The following CABLES1 variants were observed in gnomAD, a reference collection of about 807,000 sequenced individuals.
CABLES1 encodes the protein Cdk5 and Abl enzyme substrate 1.
CABLES1 carries 36 observed loss-of-function variants against 57.8 expected under a neutral mutation model. That is an observed-to-expected ratio of 0.62 (90% CI 0.48 to 0.82). CABLES1 has a LOEUF of 0.82. Among genes scored for constraint, CABLES1 ranks in the 40% least tolerant of loss-of-function variants. The probability of loss-of-function intolerance (pLI) is 0.00; values close to 1 mark genes in which losing one functional copy is unlikely to be tolerated. For missense variants in CABLES1, 767 were observed against 836.6 expected (o/e 0.92, Z 1.03); for synonymous variants, 374 against 363.0 (o/e 1.03, Z -0.35).
chr18:23,150,681 G>A (rs1169441078), intron 1 of CABLES1, among the ~76,000 whole-genome samples: 1 of 152,144 alleles, frequency 6.6e-6, no homozygotes, highest in African/African-American at 2.4e-5. Flanking sequence ...CCAACTATAA[G>A]TAGACTAAAC....
At chr18:23,247,780 A>G (rs1173439984) in intron 7 of CABLES1, among the ~76,000 whole-genome samples, 1 of 152,218 alleles carries the variant, frequency 6.6e-6, no homozygotes, top group Non-Finnish European at 1.5e-5. Context: ...CACAGCAGAC[A>G]GGAGGCCAGG....
chr18:23,257,382 A>C lies in CABLES1; in HGVS notation c.*15A>C, dbSNP rs762277826. 1 of 1,580,682 alleles carries C rather than the reference A, an allele frequency of 6.3e-7. No individual in the cohort carries two copies. The highest frequency in any genetic ancestry group is 1.2e-5 in the South Asian group (1 of 85,416). On this transcript the variant is annotated 3_prime_UTR_variant, in exon 10 of 10. Transcript: ENST00000256925. ...AGAGTTCCTAGCACTGGCCCCGAGG[A>C]CAGCCAAGGGCCATTTCTTCTCAGC...
chr18:23,206,133 G>A (rs1024034268), intron 3 of CABLES1, among the ~76,000 whole-genome samples: 12 of 152,168 alleles, frequency 7.9e-5, no homozygotes, highest in East Asian at 1.9e-4. Context: ...ATCTGACAGC[G>A]CCTGCCTGCC....
chr18:23,154,610 T>C (rs1362980325), intron 1 of CABLES1, among the ~76,000 whole-genome samples: 1 of 152,188 alleles, frequency 6.6e-6, no homozygotes, highest in Non-Finnish European at 1.5e-5. Flanking sequence ...CTAATGGGAC[T>C]CTTGTATCCC....
chr18:23,153,567 C>G (rs1299264932), intron 1 of CABLES1, among the ~76,000 whole-genome samples: 1 of 152,054 alleles, frequency 6.6e-6, no homozygotes, highest in Non-Finnish European at 1.5e-5. Context: ...AACCCTGTCT[C>G]TACTAGAAAT....
intron 4 of CABLES1, among the ~76,000 whole-genome samples, chr18:23,220,750 C>T (rs1479396459): frequency 6.6e-6 from 1 of 152,170 alleles, no homozygotes; most frequent in Admixed American, 6.5e-5. Context: ...TTGTAGCTTT[C>T]AGAAGGCTTT....
At chr18:23,222,594 A>G (rs1698452701) in intron 4 of CABLES1, among the ~76,000 whole-genome samples, 1 of 148,800 alleles carries the variant, frequency 6.7e-6, no homozygotes, top group African/African-American at 2.4e-5. Flanking sequence ...GATATATATA[A>G]TTAGATATAT....
intron 2 of CABLES1, 117 bp downstream of exon 2, chr18:23,189,026 T>C: frequency 6.0e-6 from 4 of 671,140 alleles, no homozygotes; most frequent in Non-Finnish European, 1.0e-5. Flanking sequence ...CCATCTGAAC[T>C]CCAGGGACTA....
chr18:23,172,254 AT>A (rs2047088123), intron 1 of CABLES1, among the ~76,000 whole-genome samples: 1 of 152,194 alleles, frequency 6.6e-6, no homozygotes, highest in African/African-American at 2.4e-5. Flanking sequence ...ACAGAGTTGG[AT>A]CTGAACCCTG....
In CABLES1 at chr18:23,234,589, C is replaced by T. The variant is rs1199554295; in HGVS notation, c.1089-19C>T. The T allele has an allele frequency of 3.1e-6, 5 of 1,599,338 alleles. No homozygotes were observed. The Admixed American group carries it at 8.5e-5, about 27-fold the overall frequency. On this transcript the variant is annotated intron_variant, in intron 4 of 9. Coordinates refer to ENST00000256925, the MANE Select transcript of CABLES1 (RefSeq NM_001100619.3). ...GTGCACACAAAAGCATTTTTTTTTC[C>T]TCTGACTTGTCCTCCCAGGGACTTG...
At chr18:23,210,199 C>A (rs2047395113) in intron 3 of CABLES1, among the ~76,000 whole-genome samples, 1 of 152,106 alleles carries the variant, frequency 6.6e-6, no homozygotes, top group Admixed American at 6.5e-5. Context: ...GAAATGTGAC[C>A]TTTAATTCCT....
intron 7 of CABLES1, among the ~76,000 whole-genome samples, chr18:23,237,817 C>A (rs1296348198): frequency 6.6e-6 from 1 of 152,252 alleles, no homozygotes; most frequent in Non-Finnish European, 1.5e-5. Flanking sequence ...TTTCCCACCA[C>A]CAAGGGCTGC....
At chr18:23,224,114 CTTTT>C (rs879709419) in intron 4 of CABLES1, among the ~76,000 whole-genome samples, 1 of 136,940 alleles carries the variant, frequency 7.3e-6, no homozygotes. Flanking sequence ...TCGGCTTCCA[CTTTT>C]TTTTTTTTTT....
At chr18:23,192,706 C>A (rs2047253208) in intron 2 of CABLES1, among the ~76,000 whole-genome samples, 1 of 152,194 alleles carries the variant, frequency 6.6e-6, no homozygotes, top group Non-Finnish European at 1.5e-5. Flanking sequence ...TTCAGGGATT[C>A]TCCTCTTTCC....
At chr18:23,165,614 CAG>C (rs1756950741) in intron 1 of CABLES1, among the ~76,000 whole-genome samples, 1 of 152,136 alleles carries the variant, frequency 6.6e-6, no homozygotes, top group African/African-American at 2.4e-5. Context: ...AGTGGAATCA[CAG>C]AGTTTGTCCT....
chr18:23,252,074 A>G (rs2043891004), intron 7 of CABLES1, among the ~76,000 whole-genome samples: 1 of 151,272 alleles, frequency 6.6e-6, no homozygotes, highest in Admixed American at 6.6e-5. Flanking sequence ...CAACAAAGTG[A>G]GACTCCGTCT....
intron 1 of CABLES1, among the ~76,000 whole-genome samples, chr18:23,156,214 GC>G (rs2046964859): frequency 6.6e-6 from 1 of 152,222 alleles, no homozygotes; most frequent in Non-Finnish European, 1.5e-5. Context: ...CAGGGGCTGG[GC>G]CATAGGCTCT....
chr18:23,229,424 A>G (rs1339481870), intron 4 of CABLES1, among the ~76,000 whole-genome samples: 2 of 150,618 alleles, frequency 1.3e-5, no homozygotes, highest in African/African-American at 4.8e-5. Flanking sequence ...AAAATTATTA[A>G]AAAATAAATT....
chr18:23,196,240 T>A (rs1284955928), intron 3 of CABLES1, among the ~76,000 whole-genome samples: 2 of 152,174 alleles, frequency 1.3e-5, no homozygotes, highest in Non-Finnish European at 2.9e-5. Flanking sequence ...GATTCTTAGC[T>A]TATCTGAATA....
Sources: gnomAD v4.1 joint callset for allele counts (sites outside exome capture counted in the v4.1 genomes callset) on GRCh38, gnomAD v4.1.1 for gene constraint, MANE v1.5 for transcripts, NCBI Gene and HGNC (gene_info 2026-07-23, HGNC 2026-07-21) for gene names.